The following VMP1 variants were observed in gnomAD, a reference collection of about 807,000 sequenced individuals.
VMP1 encodes vacuole membrane protein 1.
VMP1 carries 11 observed loss-of-function variants against 56.0 expected under a neutral mutation model. That is an observed-to-expected ratio of 0.20 (90% CI 0.12 to 0.32). VMP1 has a LOEUF of 0.32. Ranked by LOEUF, VMP1 falls within the 10% of genes least tolerant of loss-of-function variation. The pLI, the probability that VMP1 is intolerant of heterozygous loss-of-function variation, is 1.00. For synonymous variants in VMP1, 149 were observed against 165.0 expected, an observed-to-expected ratio of 0.90 and a Z score of 0.74; for missense variants, 296 against 490.3, an observed-to-expected ratio of 0.60 and a Z score of 3.74.
chr17:59,811,641 T>C (rs1450904630), intron 8 of VMP1, 29 bp from the exon 9 acceptor site: 7 of 1,490,572 alleles, frequency 4.7e-6, no homozygotes, highest in Non-Finnish European at 6.5e-6. Context: ...TGGATTATAA[T>C]ATGGAAGTCC....
chr17:59,752,073 A>G (rs1328478344), intron 5 of VMP1, among the ~76,000 whole-genome samples: 1 of 152,120 alleles, frequency 6.6e-6, no homozygotes, highest in East Asian at 1.9e-4. Context: ...TCAGCCTCCT[A>G]AAGTGCCGGG....
intron 11 of VMP1, chr17:59,839,483 CAA>C (rs1167883464): frequency 6.1e-6 from 2 of 330,054 alleles, no homozygotes; most frequent in African/African-American, 4.3e-5. Context: ...TGAGTTTAAT[CAA>C]AGAGTTTATT....
chr17:59,829,098 A>G (rs554528291), intron 10 of VMP1, among the ~76,000 whole-genome samples: 1 of 152,324 alleles, frequency 6.6e-6, no homozygotes, highest in South Asian at 2.1e-4. Context: ...CGTGGGTGAT[A>G]GAGCCAGACT....
At chr17:59,767,920 C>G (rs1439970624) in intron 6 of VMP1, among the ~76,000 whole-genome samples, 1 of 151,400 alleles carries the variant, frequency 6.6e-6, no homozygotes, top group Non-Finnish European at 1.5e-5. Context: ...ACCAGCCTGG[C>G]CAACATGGTG....
chr17:59,817,668 T>C (rs2038292303), intron 9 of VMP1, 44 bp from the exon 10 acceptor site: 1 of 1,464,484 alleles, frequency 6.8e-7, no homozygotes, highest in Non-Finnish European at 9.4e-7. Flanking sequence ...ATGTTGGTTT[T>C]TTGATGACTA....
intron 5 of VMP1, among the ~76,000 whole-genome samples, chr17:59,760,127 A>G (rs1204610048): frequency 6.6e-6 from 1 of 151,286 alleles, no homozygotes; most frequent in Non-Finnish European, 1.5e-5. Flanking sequence ...TTTCTCAAAA[A>G]AAAAAAAGAA....
At position 59,794,219 on chromosome 17, in the gene VMP1, CTTT is replaced by C. The variant is rs574035691; in HGVS notation, c.715-14558_715-14556del. ...ACAGGTGTGAGTCACCGCACCCGGC[CTTT>C]TTTTTTTTTTTTTTTTTTGAGACAG... On this transcript the variant is annotated intron_variant, in intron 7 of 11. Transcript: ENST00000262291. Among the ~76,000 whole-genome samples the C allele has an allele frequency of 8.1e-3, 521 of 64,624 alleles. 6 individuals are homozygous for C. Among genetic ancestry groups the C allele is most frequent in the Admixed American group, 0.02 (95 of 4,854 alleles). The allele number at this position is 64,624 out of a possible 152,430, so 42.4% of individuals were successfully genotyped here. A position where few individuals can be genotyped will look rare whatever the true frequency, so the allele number is the denominator to read the frequency against.
At chr17:59,816,197 T>C (rs1462016447) in intron 9 of VMP1, among the ~76,000 whole-genome samples, 1 of 152,224 alleles carries the variant, frequency 6.6e-6, no homozygotes, top group Non-Finnish European at 1.5e-5. Flanking sequence ...TGCATTGAAA[T>C]TGTGCAATTA....
At chr17:59,830,764 CA>C (rs1239654450) in intron 10 of VMP1, among the ~76,000 whole-genome samples, 2 of 152,206 alleles carry the variant, frequency 1.3e-5, no homozygotes, top group African/African-American at 4.8e-5. Context: ...TTAGAGACTT[CA>C]ACTGCTTAGA....
chr17:59,747,995 G>A (rs545619993), intron 5 of VMP1, among the ~76,000 whole-genome samples: 2 of 151,878 alleles, frequency 1.3e-5, no homozygotes, highest in African/African-American at 4.8e-5. Context: ...AGAAGATCGA[G>A]ACCATCCTGG....
At chr17:59,819,349 C>T (rs892902111) in intron 10 of VMP1, among the ~76,000 whole-genome samples, 1 of 152,058 alleles carries the variant, frequency 6.6e-6, no homozygotes, top group African/African-American at 2.4e-5. Context: ...CGCTTTGCTG[C>T]CCAGGCTGGT....
intron 1 of VMP1, 108 bp from the exon 2 acceptor site, chr17:59,731,313 A>G (rs2034815005): frequency 6.5e-6 from 4 of 611,202 alleles, no homozygotes; most frequent in Non-Finnish European, 1.1e-5. Flanking sequence ...CATCATACAT[A>G]TCATGTGGCT....
At chr17:59,781,046 A>G (rs1186541980) in intron 7 of VMP1, among the ~76,000 whole-genome samples, 4 of 152,002 alleles carry the variant, frequency 2.6e-5, no homozygotes, top group Admixed American at 6.6e-5. Context: ...TTATTTGTTT[A>G]TAGTTGTTTT....
chr17:59,830,218 A>G (rs1002324608), intron 10 of VMP1, among the ~76,000 whole-genome samples: 1 of 151,954 alleles, frequency 6.6e-6, no homozygotes, highest in Admixed American at 6.6e-5. Context: ...GCATGCCAGC[A>G]TGCTCAGCCA....
intron 7 of VMP1, among the ~76,000 whole-genome samples, chr17:59,797,007 T>C (rs2037458375): frequency 1.3e-5 from 2 of 152,014 alleles, no homozygotes; most frequent in African/African-American, 4.8e-5. Context: ...TTATAGTAAC[T>C]CAAAATTTCC....
rs1350434216 is a variant in VMP1 at position 59,800,168 on chromosome 17, AT to A, written c.715-8625del. 4.6e-5 allele frequency among the ~76,000 whole-genome samples: 7 copies of A among 152,306 alleles called. No homozygotes were observed. In the East Asian group the frequency reaches 1.3e-3, roughly 29 times the overall value. ...ACTTTTTACTTTGTGTTCAAGAAAGATTTGAAGTTATAACTGCATTACAGAA... is the reference window on the plus strand; with the variant it reads ...ACTTTTTACTTTGTGTTCAAGAAAGATTGAAGTTATAACTGCATTACAGAA... On this transcript the variant is annotated intron_variant, in intron 7 of 11. Coordinates refer to ENST00000262291, the MANE Select transcript of VMP1 (RefSeq NM_030938.5).
chr17:59,783,792 A>G (rs1301969030), intron 7 of VMP1, among the ~76,000 whole-genome samples: 1 of 151,900 alleles, frequency 6.6e-6, no homozygotes, highest in Non-Finnish European at 1.5e-5. Flanking sequence ...ATCAACCCTT[A>G]CCTAAATATT....
At position 59,832,763 on chromosome 17, in the gene VMP1, T is replaced by A. The variant is rs573096511; in HGVS notation, c.975-5532T>A. Among the ~76,000 whole-genome samples, 209 of 143,550 alleles carry A rather than the reference T, an allele frequency of 1.5e-3. 1 individual carries two copies. The highest frequency in any genetic ancestry group is 5.2e-3 in the African/African-American group (203 of 39,050). 94.2% of individuals were successfully genotyped at this position (143,550 alleles called of 152,430 possible). On this transcript the variant is annotated intron_variant, in intron 10 of 11. Coordinates refer to ENST00000262291, the MANE Select transcript of VMP1 (RefSeq NM_030938.5). ...CGCCCACCACCGTGCCTGGCAATAT[T>A]TTTTTTTTTTTTTTTTTTTGTATTT...
intron 1 of VMP1, among the ~76,000 whole-genome samples, chr17:59,726,291 G>GTTTTTTTTTTTTTTTTTTTTTTT (rs541555827): frequency 6.9e-6 from 1 of 145,058 alleles, no homozygotes; most frequent in African/African-American, 2.6e-5. Flanking sequence ...AGTTTTTTTT[G>GTTTTTTTTTTTTTTTTTTTTTTT]TTTTTTTTTT....
Sources: allele counts gnomAD v4.1 joint callset (sites outside exome capture counted in the v4.1 genomes callset), GRCh38; gene constraint gnomAD v4.1.1; transcripts MANE v1.5; gene names NCBI Gene and HGNC (gene_info 2026-07-23, HGNC 2026-07-21).